The following BRWD1 variants were observed in gnomAD, a reference collection of about 807,000 sequenced individuals.
The protein encoded by BRWD1 is bromodomain and WD repeat domain containing 1, also known as bromodomain and WD repeat-containing protein 1.
A neutral mutation model predicts 251.2 loss-of-function variants in BRWD1; 82 were observed. That is an observed-to-expected ratio of 0.33 (90% CI 0.27 to 0.39). BRWD1 has a LOEUF of 0.39. BRWD1 is among the 10% of genes least tolerant of loss of function. The pLI is 1.00. For missense variants in BRWD1, 2,233 were observed against 2,711.6 expected (o/e 0.82, Z 3.92); for synonymous variants, 918 against 902.8 (o/e 1.02, Z -0.30).
chr21:39,298,651 A>T (rs2036023124), intron 4 of BRWD1, 69 bp from the exon 5 acceptor site: 2 of 1,301,050 alleles, frequency 1.5e-6, no homozygotes, highest in Non-Finnish European at 1.0e-6. Context: ...CTTAGGGATA[A>T]GTCTGGCAAA....
Position 39,187,626 on chromosome 21 carries a change from A to C in BRWD1, c.*8633T>G, listed in dbSNP as rs1247443896. ...ATCTACAACTATAAGGATGTCACTTAAAACAGTAGCAGACTTGTAAGAATG... is the reference window on the plus strand; with the variant it reads ...ATCTACAACTATAAGGATGTCACTTCAAACAGTAGCAGACTTGTAAGAATG... On this transcript the variant is annotated 3_prime_UTR_variant, in exon 41 of 41. Coordinates refer to ENST00000342449, the MANE Select transcript of BRWD1 (RefSeq NM_033656.4). 1.0e-6 allele frequency: 1 copy of C among 985,214 alleles called. No individual in the cohort carries two copies. The highest frequency in any genetic ancestry group is 1.2e-6 in the Non-Finnish European group (1 of 829,846). 61.0% of individuals were successfully genotyped at this position (985,214 alleles called of 1,614,324 possible).
chr21:39,190,319 CAT>C lies in BRWD1; in HGVS notation c.*5938_*5939del. 1.0e-6 allele frequency: 1 copy of C among 984,640 alleles called. No individual in the cohort carries two copies. Among genetic ancestry groups the C allele is most frequent in the Non-Finnish European group, 1.2e-6 (1 of 829,326 alleles). The allele number at this position is 984,640 out of a possible 1,614,324, so 61.0% of individuals were successfully genotyped here. A position where few individuals can be genotyped will look rare whatever the true frequency, so the allele number is the denominator to read the frequency against. ...GTTTTCCTAAATTCAAAGTAAACTGCATATGGTTACTACAGAAGCATTATAAA... is the reference window on the plus strand; with the variant it reads ...GTTTTCCTAAATTCAAAGTAAACTGCATGGTTACTACAGAAGCATTATAAA... On this transcript the variant is annotated 3_prime_UTR_variant, in exon 41 of 41. Coordinates refer to ENST00000342449, the MANE Select transcript of BRWD1 (RefSeq NM_033656.4).
chr21:39,221,327 T>A (rs902550589), intron 29 of BRWD1, among the ~76,000 whole-genome samples: 1 of 152,090 alleles, frequency 6.6e-6, no homozygotes. Flanking sequence ...GAAACAAATA[T>A]GTGATGTAGT....
chr21:39,216,803 A>G, intron 31 of BRWD1: 1 of 280,896 alleles, frequency 3.6e-6, no homozygotes, highest in Non-Finnish European at 6.9e-6. Context: ...TTAACTTTTA[A>G]GTTCAAGGGT....
At chr21:39,282,828 G>A (rs1160681890) in intron 8 of BRWD1, among the ~76,000 whole-genome samples, 4 of 151,916 alleles carry the variant, frequency 2.6e-5, no homozygotes, top group African/African-American at 7.3e-5. Context: ...GCATGGTGGT[G>A]GGCGCCTGTA....
intron 29 of BRWD1, among the ~76,000 whole-genome samples, chr21:39,221,610 A>G (rs939378483): frequency 4.6e-5 from 7 of 152,214 alleles, no homozygotes; most frequent in African/African-American, 7.2e-5. Flanking sequence ...ATCCCAAACT[A>G]ATGGATAACA....
Position 39,186,349 on chromosome 21 carries a change from A to G in BRWD1, c.*9910T>C, listed in dbSNP as rs1219777207. The G allele has an allele frequency of 6.6e-6, 1 of 152,074 alleles. No homozygotes were observed. Among genetic ancestry groups the G allele is most frequent in the African/African-American group, 2.4e-5 (1 of 41,350 alleles). 9.4% of individuals were successfully genotyped at this position (152,074 alleles called of 1,614,324 possible). On this transcript the variant is annotated 3_prime_UTR_variant, in exon 41 of 41. Coordinates refer to ENST00000342449, the MANE Select transcript of BRWD1 (RefSeq NM_033656.4). Reference sequence around the variant, plus strand: ...CATATCAAGTGGTCATTCAGTATGAACTGCAATATTATAAACAAAATGACA... The same window carrying G: ...CATATCAAGTGGTCATTCAGTATGAGCTGCAATATTATAAACAAAATGACA...
At chr21:39,300,489 AG>A (rs752791483) in intron 4 of BRWD1, among the ~76,000 whole-genome samples, 1 of 152,234 alleles carries the variant, frequency 6.6e-6, no homozygotes, top group Non-Finnish European at 1.5e-5. Context: ...CTCTGCTGGA[AG>A]GGAAAGTATT....
chr21:39,269,946 T>C lies in BRWD1; in HGVS notation c.1483A>G (p.Ile495Val). Residue 495 changes from isoleucine to valine, a missense_variant, in exon 15 of 41, where the codon ATA (isoleucine) becomes GTA (valine). Ile to Val is a conservative substitution (Grantham distance 29). Coordinates refer to ENST00000342449, the MANE Select transcript of BRWD1 (RefSeq NM_033656.4). ...LSAGHDGSIF[I>V]WDITKGTKMK... The stretch of plus-strand genomic sequence containing the variant: ...TTGGTACCTTTTGTAATATCCCATA[T>C]AAATATGCTGCCATCATGTCCTGCA... The C allele has an allele frequency of 6.3e-7, 1 of 1,577,342 alleles. No individual in the cohort carries two copies. The highest frequency in any genetic ancestry group is 1.2e-5 in the South Asian group (1 of 84,522).
chr21:39,280,950 T>C (rs762238436), intron 8 of BRWD1, among the ~76,000 whole-genome samples: 1 of 152,108 alleles, frequency 6.6e-6, no homozygotes, highest in African/African-American at 2.4e-5. Context: ...ACAAGCAAGC[T>C]ACAGAAAGGA....
At chr21:39,320,173 GAGAGTGAGGTTGGAGT>G (rs2036734028) in intron 1 of BRWD1, among the ~76,000 whole-genome samples, 2 of 152,176 alleles carry the variant, frequency 1.3e-5, no homozygotes, top group African/African-American at 2.4e-5. Context: ...AGGGTGGGAG[GAGAGTGAGGTTGGAGT>G]TTCCATTTTC....
At chr21:39,241,920 G>C (rs2034017628) in intron 21 of BRWD1, among the ~76,000 whole-genome samples, 1 of 152,080 alleles carries the variant, frequency 6.6e-6, no homozygotes, top group Admixed American at 6.6e-5. Flanking sequence ...TGTTTTGGGG[G>C]CACTAGGAAC....
intron 17 of BRWD1, among the ~76,000 whole-genome samples, chr21:39,264,135 A>C (rs918353864): frequency 6.6e-6 from 1 of 152,188 alleles, no homozygotes; most frequent in Non-Finnish European, 1.5e-5. Flanking sequence ...AGAATTTTAG[A>C]AGCTATAAAC....
chr21:39,262,872 T>TA (rs1355089123), intron 17 of BRWD1, among the ~76,000 whole-genome samples: 3 of 152,120 alleles, frequency 2.0e-5, no homozygotes, highest in African/African-American at 7.2e-5. Context: ...GTATCTTGAT[T>TA]GTGGTGGTAG....
intron 23 of BRWD1, among the ~76,000 whole-genome samples, chr21:39,232,738 C>G (rs1446807960): frequency 6.6e-6 from 1 of 152,126 alleles, no homozygotes; most frequent in Non-Finnish European, 1.5e-5. Flanking sequence ...CTGATAGATT[C>G]TTCATGCTAT....
intron 34 of BRWD1, among the ~76,000 whole-genome samples, chr21:39,212,145 C>T (rs1030844192): frequency 3.3e-5 from 5 of 152,166 alleles, no homozygotes; most frequent in African/African-American, 1.2e-4. Context: ...ATATCCTTGA[C>T]TAGGTACCCG....
intron 7 of BRWD1, among the ~76,000 whole-genome samples, chr21:39,295,330 G>A (rs2035932634): frequency 6.6e-6 from 1 of 151,742 alleles, no homozygotes; most frequent in African/African-American, 2.4e-5. Context: ...GGGACTACAG[G>A]CGCCCACCAC....
At chr21:39,200,421 TCTC>T in intron 38 of BRWD1, 35 bp from the exon 39 acceptor site, 1 of 1,572,660 alleles carries the variant, frequency 6.4e-7, no homozygotes, top group South Asian at 1.2e-5. Flanking sequence ...TTACATATAT[TCTC>T]CTGTCTTTAC....
In BRWD1 at chr21:39,199,552, C is replaced by A. The variant is rs374839806; in HGVS notation, c.4864G>T (p.Ala1622Ser). The change falls in exon 40 of 41, where the codon GCT becomes TCT. Residue 1622 changes from alanine to serine, a missense_variant. Coordinates refer to ENST00000342449, the MANE Select transcript of BRWD1 (RefSeq NM_033656.4). ...CTTAAGACTTTTCGGTTATTTCCAG[C>A]TCTGGCTTTTAGAATTTCACCAGTC... is the stretch of plus-strand genomic sequence containing the variant. ...LETGEILKAR[A>S]GNNRKVLRKC... The A allele has an allele frequency of 1.2e-6, 2 of 1,614,164 alleles. No individual in the cohort carries two copies. Among genetic ancestry groups the A allele is most frequent in the South Asian group, 2.2e-5 (2 of 91,078 alleles).
Sources: allele counts gnomAD v4.1 joint callset (sites outside exome capture counted in the v4.1 genomes callset), GRCh38; gene constraint gnomAD v4.1.1; transcripts MANE v1.5; gene names NCBI Gene and HGNC (gene_info 2026-07-23, HGNC 2026-07-21).